Variants in GRM4 observed in about 807,000 individuals in gnomAD.
GRM4 encodes the protein glutamate metabotropic receptor 4.
A neutral mutation model predicts 81.7 loss-of-function variants in GRM4; 28 were observed. The ratio of observed to expected loss-of-function variants is 0.34; its 90% CI spans 0.25 to 0.47. The LOEUF is 0.47. Ranked by LOEUF, GRM4 falls within the 20% of genes least tolerant of loss-of-function variation. The pLI, the probability that GRM4 is intolerant of heterozygous loss-of-function variation, is 1.00. For missense variants in GRM4, 948 were observed against 1,290.0 expected (o/e 0.73, Z 4.06); for synonymous variants, 488 against 528.8 (o/e 0.92, Z 1.06).
At chr6:34,151,801 C>T (rs114723619) in intron 1 of GRM4, among the ~76,000 whole-genome samples, 1,913 of 151,686 alleles carry the variant, frequency 0.013, 33 homozygotes, top group African/African-American at 0.034. Flanking sequence ...ACACACTCCA[C>T]GAACAGACCA....
At chr6:34,099,626 G>A (rs1326499781) in intron 2 of GRM4, among the ~76,000 whole-genome samples, 1 of 152,186 alleles carries the variant, frequency 6.6e-6, no homozygotes, top group African/African-American at 2.4e-5. Flanking sequence ...GCGCACCGCT[G>A]GGTTCAGGAG....
rs1491445758 is a variant in GRM4 at position 34,069,646 on chromosome 6, CAG to C, written c.737-7620_737-7619del. On this transcript the variant is annotated intron_variant, in intron 3 of 10. Coordinates refer to ENST00000538487, the MANE Select transcript of GRM4 (RefSeq NM_000841.4). This position sits in a 1 kb window ranked among gnomAD's most constrained non-coding sequence, Gnocchi z 6.4. ...CGGCTTTACAACCCTTGGCAGCCCC[CAG>C]TGTGTGTGTGTGTGTGTGTGTGTGT... is the stretch of plus-strand genomic sequence containing the variant. Among the ~76,000 whole-genome samples the C allele has an allele frequency of 1.6e-5, 2 of 125,992 alleles. No homozygotes were observed. The highest frequency in any genetic ancestry group is 3.2e-5 in the Non-Finnish European group (2 of 63,272). The allele number at this position is 125,992 out of a possible 152,430, so 82.7% of individuals were successfully genotyped here.
intron 6 of GRM4, among the ~76,000 whole-genome samples, chr6:34,050,952 G>A (rs1765583703): frequency 6.6e-6 from 1 of 152,378 alleles, no homozygotes; most frequent in South Asian, 2.1e-4. Context: ...CAGTTGATGA[G>A]TGGGAAGCAG....
rs1204288922 is a variant in GRM4, at chr6:34,074,321, T to C, written c.737-12293A>G. On this transcript the variant is annotated intron_variant, in intron 3 of 10. Transcript: ENST00000538487. This position sits in a 1 kb window ranked among gnomAD's most constrained non-coding sequence, Gnocchi z 4.9. Reference sequence around the variant, plus strand: ...TGGTATGAACCCTGTCCCCGAGACATAGCAGGGTTGCGGTGAGGATTAGAG... The same window carrying C: ...TGGTATGAACCCTGTCCCCGAGACACAGCAGGGTTGCGGTGAGGATTAGAG... Among the ~76,000 whole-genome samples, 6 of 152,206 alleles carry C rather than the reference T, an allele frequency of 3.9e-5. No individual in the cohort carries two copies. Among genetic ancestry groups the C allele is most frequent in the Non-Finnish European group, 8.8e-5 (6 of 68,024 alleles).
chr6:34,101,529 G>A (rs1203544662), intron 2 of GRM4, among the ~76,000 whole-genome samples: 1 of 152,200 alleles, frequency 6.6e-6, no homozygotes, highest in Non-Finnish European at 1.5e-5. Context: ...GAATCTGAGG[G>A]TGACACTGCA....
At chr6:34,095,854 C>T (rs1475834310) in intron 2 of GRM4, among the ~76,000 whole-genome samples, 3 of 152,154 alleles carry the variant, frequency 2.0e-5, no homozygotes, top group African/African-American at 4.8e-5. Context: ...TGCCAGGGGC[C>T]GCCACAGGTG....
intron 3 of GRM4, among the ~76,000 whole-genome samples, chr6:34,065,695 G>A (rs1766423244): frequency 6.6e-6 from 1 of 152,106 alleles, no homozygotes; most frequent in Non-Finnish European, 1.5e-5. Context: ...GGCCAAGCTG[G>A]TGCGTCTGCT....
chr6:34,023,084 A>G (rs554855291), intron 10 of GRM4, among the ~76,000 whole-genome samples: 79 of 152,284 alleles, frequency 5.2e-4, no homozygotes, highest in Non-Finnish European at 1.1e-3. Flanking sequence ...CTCCCCATCC[A>G]GGGACTGGGC....
At chr6:34,025,454 T>A (rs1339197873) in intron 10 of GRM4, among the ~76,000 whole-genome samples, 1 of 152,142 alleles carries the variant, frequency 6.6e-6, no homozygotes, top group Non-Finnish European at 1.5e-5. Context: ...TGAGGGCAGC[T>A]GAGGGGCACC....
At chr6:34,145,791 G>C (rs1770906944) in intron 1 of GRM4, among the ~76,000 whole-genome samples, 2 of 152,188 alleles carry the variant, frequency 1.3e-5, no homozygotes, top group Admixed American at 6.5e-5. Flanking sequence ...CCAAGCTCAC[G>C]GCGCTTCTGC....
rs766388468 is a variant in GRM4 at position 34,035,734 on chromosome 6, G to A, written c.2376C>T (p.Tyr792=). ...AGGCCAGCCAGACGATGCAAGTGGTGTACATGGTGAAGCCAATGGGCTTGG... is the reference window on the plus strand; with the variant it reads ...AGGCCAGCCAGACGATGCAAGTGGTATACATGGTGAAGCCAATGGGCTTGG... The part of the protein sequence containing the change: ...NEAKPIGFTM[Y]TTCIVWLAFI... Residue 792 remains tyrosine, a synonymous_variant, in exon 9 of 11, where the codon TAC becomes TAT. Transcript: ENST00000538487. The surrounding 1 kb of genome is among the most constrained non-coding windows in gnomAD (Gnocchi z 6.6). The A allele has an allele frequency of 3.5e-5, 56 of 1,609,114 alleles. No individual in the cohort carries two copies. The Admixed American group carries it at 8.8e-4, about 25-fold the overall frequency.
intron 2 of GRM4, among the ~76,000 whole-genome samples, chr6:34,132,125 T>C (rs1770268480): frequency 6.6e-6 from 1 of 151,984 alleles, no homozygotes. Flanking sequence ...TCCAATTGAA[T>C]TGCAAATCAG....
At chr6:34,126,158 A>G (rs1327512069) in intron 2 of GRM4, among the ~76,000 whole-genome samples, 1 of 152,212 alleles carries the variant, frequency 6.6e-6, no homozygotes, top group Non-Finnish European at 1.5e-5. Context: ...AGAGTGGTGA[A>G]AAAAGGTAGA....
At position 34,130,144 on chromosome 6, in the gene GRM4, G is replaced by C. The variant is rs1561830644; in HGVS notation, c.519+2834C>G. ...TCCCTCCCCAAAGTTCAATCTTTTTGCTTCTGTAAATGGCTTTTAAGTTTC... is the reference window on the plus strand; with the variant it reads ...TCCCTCCCCAAAGTTCAATCTTTTTCCTTCTGTAAATGGCTTTTAAGTTTC... On this transcript the variant is annotated intron_variant, in intron 2 of 10. Coordinates refer to ENST00000538487, the MANE Select transcript of GRM4 (RefSeq NM_000841.4). The surrounding 1 kb of genome is among the most constrained non-coding windows in gnomAD (Gnocchi z 4.1). Among the ~76,000 whole-genome samples, 1 of 152,082 alleles carries C rather than the reference G, an allele frequency of 6.6e-6. No homozygotes were observed. The highest frequency in any genetic ancestry group is 1.5e-5 in the Non-Finnish European group (1 of 68,008).
At chr6:34,125,492 T>C (rs1344456550) in intron 2 of GRM4, among the ~76,000 whole-genome samples, 1 of 152,210 alleles carries the variant, frequency 6.6e-6, no homozygotes, top group African/African-American at 2.4e-5. Context: ...CACAGTCTTA[T>C]CAACCTGCTG....
rs1768277361 is a variant in GRM4, at chr6:34,092,308, TACAC to T, written c.520-213_520-210del. 6.6e-6 allele frequency among the ~76,000 whole-genome samples: 1 copy of T among 152,092 alleles called. No homozygotes were observed. Among genetic ancestry groups the T allele is most frequent in the Non-Finnish European group, 1.5e-5 (1 of 67,952 alleles). On this transcript the variant is annotated intron_variant, in intron 2 of 10. Coordinates refer to ENST00000538487, the MANE Select transcript of GRM4 (RefSeq NM_000841.4). The surrounding 1 kb of genome is among the most constrained non-coding windows in gnomAD (Gnocchi z 6.8). ...CAAAGACACCCCAACCACACACAGATACACACACAGGCACACACATACATACACC... is the reference window on the plus strand; with the variant it reads ...CAAAGACACCCCAACCACACACAGATACACAGGCACACACATACATACACC...
intron 3 of GRM4, among the ~76,000 whole-genome samples, chr6:34,076,453 G>C (rs1767318292): frequency 1.3e-5 from 2 of 152,162 alleles, no homozygotes; most frequent in African/African-American, 4.8e-5. Context: ...AGAAAACCGG[G>C]GGGCTGGGTC....
chr6:34,148,704 G>A (rs1022302921), upstream of GRM4, among the ~76,000 whole-genome samples: 1 of 152,184 alleles, frequency 6.6e-6, no homozygotes. Flanking sequence ...AGACTTCTGC[G>A]CTAAGAACCA....
At chr6:34,126,882 T>G (rs1770045162) in intron 2 of GRM4, among the ~76,000 whole-genome samples, 1 of 152,200 alleles carries the variant, frequency 6.6e-6, no homozygotes, top group Non-Finnish European at 1.5e-5. Flanking sequence ...TGTCTCTGTC[T>G]CCTCTACTCA....
Sources: gnomAD v4.1 joint callset for allele counts (sites outside exome capture counted in the v4.1 genomes callset) on GRCh38, gnomAD v4.1.1 for gene constraint, Gnocchi (gnomAD v3.1) non-coding constraint, MANE v1.5 for transcripts, NCBI Gene and HGNC (gene_info 2026-07-23, HGNC 2026-07-21) for gene names.